Variants in PEAK1 observed in about 807,000 individuals in gnomAD.
PEAK1 encodes inactive tyrosine-protein kinase PEAK1.
A neutral mutation model predicts 124.7 loss-of-function variants in PEAK1; 54 were observed. The observed-to-expected ratio is 0.43, with a 90% CI of 0.35 to 0.54. PEAK1 has a LOEUF of 0.54. Ranked by LOEUF, PEAK1 falls within the 20% of genes least tolerant of loss-of-function variation. The pLI is 0.01. For synonymous variants in PEAK1, 719 were observed against 760.0 expected, an observed-to-expected ratio of 0.95 and a Z score of 0.89; for missense variants, 2,046 against 2,134.5, an observed-to-expected ratio of 0.96 and a Z score of 0.82.
intron 6 of PEAK1, chr15:77,204,744 A>C (rs553881340): frequency 6.5e-6 from 1 of 152,808 alleles, no homozygotes; most frequent in Non-Finnish European, 1.5e-5. Flanking sequence ...TCTTCTAAAA[A>C]TACAAAAAAA....
chr15:77,111,975 G>A lies in PEAK1; in HGVS notation c.*2181C>T, dbSNP rs1032708715. On this transcript the variant is annotated 3_prime_UTR_variant, in exon 10 of 10. Transcript: ENST00000682557. ...GCCCTTCAGTGCATAATCAGGCAAGGAGTTATGTGCACATGTTCTATGCTA... is the reference window on the plus strand; with the variant it reads ...GCCCTTCAGTGCATAATCAGGCAAGAAGTTATGTGCACATGTTCTATGCTA... The A allele has an allele frequency of 2.0e-5, 3 of 152,234 alleles. No individual in the cohort carries two copies. The highest frequency in any genetic ancestry group is 1.5e-5 in the Non-Finnish European group (1 of 68,064). The allele number at this position is 152,234 out of a possible 1,614,324, so 9.4% of individuals were successfully genotyped here.
At chr15:77,357,802 C>T (rs922164361) in intron 2 of PEAK1, among the ~76,000 whole-genome samples, 1 of 152,030 alleles carries the variant, frequency 6.6e-6, no homozygotes, top group African/African-American at 2.4e-5. Context: ...GACCACATAC[C>T]TTTTCTATTT....
intron 2 of PEAK1, among the ~76,000 whole-genome samples, chr15:77,345,250 G>T (rs2066800097): frequency 6.6e-6 from 1 of 152,006 alleles, no homozygotes; most frequent in Non-Finnish European, 1.5e-5. Flanking sequence ...ATCGTGAAAG[G>T]GTGTTAAATC....
intron 2 of PEAK1, among the ~76,000 whole-genome samples, chr15:77,287,454 C>G (rs923414329): frequency 6.6e-6 from 1 of 152,170 alleles, no homozygotes; most frequent in Non-Finnish European, 1.5e-5. Flanking sequence ...ATATAATATC[C>G]TACTATTCAA....
At chr15:77,306,262 A>G (rs1175682593) in intron 2 of PEAK1, among the ~76,000 whole-genome samples, 1 of 148,102 alleles carries the variant, frequency 6.8e-6, no homozygotes, top group Admixed American at 6.6e-5. Flanking sequence ...TTAAAGGACT[A>G]AGAGTTTAAA....
intron 6 of PEAK1, among the ~76,000 whole-genome samples, chr15:77,209,994 T>G (rs1375253279): frequency 6.6e-6 from 1 of 152,214 alleles, no homozygotes; most frequent in South Asian, 2.1e-4. Context: ...CTCTGACACT[T>G]TCCCTTTCTA....
intron 8 of PEAK1, among the ~76,000 whole-genome samples, chr15:77,154,445 C>T (rs2054938856): frequency 6.6e-6 from 1 of 152,190 alleles, no homozygotes; most frequent in Non-Finnish European, 1.5e-5. Flanking sequence ...ATCCAATTTG[C>T]CAGTCTGTGT....
At chr15:77,381,797 A>C (rs2069503155) in intron 1 of PEAK1, among the ~76,000 whole-genome samples, 1 of 152,156 alleles carries the variant, frequency 6.6e-6, no homozygotes, top group African/African-American at 2.4e-5. Flanking sequence ...ACCCCAAAGC[A>C]CACCATAGTA....
chr15:77,186,718 A>T (rs2152828361), intron 6 of PEAK1, among the ~76,000 whole-genome samples: 1 of 152,336 alleles, frequency 6.6e-6, no homozygotes, highest in South Asian at 2.1e-4. Flanking sequence ...ACAAAACCTT[A>T]ACCACGAGGG....
In PEAK1 at chr15:77,403,244, A is replaced by G. The variant is rs1001753008; in HGVS notation, c.-666+16762T>C. 6.7e-5 allele frequency: 66 copies of G among 985,300 alleles called. No homozygotes were observed. The Middle Eastern group carries it at 1.5e-3, about 23-fold the overall frequency. The allele number at this position is 985,300 out of a possible 1,614,324, so 61.0% of individuals were successfully genotyped here. A position where few individuals can be genotyped will look rare whatever the true frequency, so the allele number is the denominator to read the frequency against. The stretch of plus-strand genomic sequence containing the variant: ...GGGTATGGTGAAAGCAGTCAAGTCT[A>G]TCTCCCAATACCAACAACAAGATTT... On this transcript the variant is annotated intron_variant, in intron 1 of 9. Coordinates refer to ENST00000682557, the MANE Select transcript of PEAK1 (RefSeq NM_001385026.1).
At chr15:77,282,399 A>G (rs1005971596) in intron 5 of PEAK1, among the ~76,000 whole-genome samples, 1 of 152,246 alleles carries the variant, frequency 6.6e-6, no homozygotes, top group Non-Finnish European at 1.5e-5. Flanking sequence ...AACATGACTC[A>G]TTAAAAAAAA....
chr15:77,107,300 C>T (rs942652603), downstream of PEAK1: 3 of 152,306 alleles, frequency 2.0e-5, no homozygotes, highest in African/African-American at 7.2e-5. Flanking sequence ...GTTGACCCTT[C>T]CTCCTGGGCC....
intron 2 of PEAK1, among the ~76,000 whole-genome samples, chr15:77,318,435 A>G (rs1257959849): frequency 6.6e-6 from 1 of 152,128 alleles, no homozygotes; most frequent in Non-Finnish European, 1.5e-5. Context: ...AACCCCTTAT[A>G]TTAGGGTTTC....
chr15:77,416,587 T>C (rs1284696517), intron 1 of PEAK1, among the ~76,000 whole-genome samples: 1 of 152,226 alleles, frequency 6.6e-6, no homozygotes, highest in Non-Finnish European at 1.5e-5. Flanking sequence ...CTTTTGGAAT[T>C]AAGTTAAAGT....
chr15:77,335,671 G>GGTCA (rs2066154955), intron 2 of PEAK1: 1 of 723,290 alleles, frequency 1.4e-6, no homozygotes, highest in South Asian at 6.3e-5. Flanking sequence ...GTAAAGACAG[G>GGTCA]GTCTTGCCCA....
chr15:77,348,756 TA>T, intron 2 of PEAK1: 1 of 967,738 alleles, frequency 1.0e-6, no homozygotes, highest in Non-Finnish European at 1.2e-6. Context: ...GAACTGTGAC[TA>T]AAACCCGATG....
At chr15:77,337,388 G>A (rs2066267982) in intron 2 of PEAK1, 1 of 948,620 alleles carries the variant, frequency 1.1e-6, no homozygotes, top group Non-Finnish European at 1.3e-6. Flanking sequence ...AATCATTGAA[G>A]ATTATAATAA....
chr15:77,411,373 G>A (rs2072398274), intron 1 of PEAK1, among the ~76,000 whole-genome samples: 1 of 152,124 alleles, frequency 6.6e-6, no homozygotes, highest in African/African-American at 2.4e-5. Flanking sequence ...ATGACTACAG[G>A]CACAATTAAC....
chr15:77,382,182 C>T (rs1409726126), intron 1 of PEAK1, among the ~76,000 whole-genome samples: 1 of 152,162 alleles, frequency 6.6e-6, no homozygotes, highest in African/African-American at 2.4e-5. Context: ...ATAGAAACAG[C>T]TAACAAATCA....
Sources: gnomAD v4.1 joint callset for allele counts (sites outside exome capture counted in the v4.1 genomes callset) on GRCh38, gnomAD v4.1.1 for gene constraint, MANE v1.5 for transcripts, NCBI Gene and HGNC (gene_info 2026-07-23, HGNC 2026-07-21) for gene names.